Variants in SLC4A8 observed in about 807,000 individuals in gnomAD.
The protein encoded by SLC4A8 is electroneutral sodium bicarbonate exchanger 1.
SLC4A8 carries 40 observed loss-of-function variants against 125.0 expected under a neutral mutation model. The observed-to-expected ratio is 0.32, with a 90% CI of 0.25 to 0.42. SLC4A8 has a LOEUF of 0.42. SLC4A8 is among the 10% of genes least tolerant of loss of function. SLC4A8 has a pLI of 1.00. For missense variants in SLC4A8, 863 were observed against 1,355.1 expected, an observed-to-expected ratio of 0.64 and a Z score of 5.70; for synonymous variants, 456 against 476.0, an observed-to-expected ratio of 0.96 and a Z score of 0.55.
At chr12:51,506,013 G>T (rs1022956542) in intron 24 of SLC4A8, 83 bp downstream of exon 24, 12 of 686,786 alleles carry the variant, frequency 1.7e-5, no homozygotes, top group Non-Finnish European at 3.1e-5. Flanking sequence ...TGTTTTAGTT[G>T]TAAAATGGAA....
intron 1 of SLC4A8, among the ~76,000 whole-genome samples, chr12:51,428,034 T>G (rs145050693): frequency 2.6e-5 from 4 of 152,306 alleles, no homozygotes; most frequent in Non-Finnish European, 5.9e-5. Flanking sequence ...CTCCACTCTC[T>G]TTCTTGCACC....
chr12:51,448,287 T>C (rs1030206968), intron 2 of SLC4A8, among the ~76,000 whole-genome samples: 2 of 152,096 alleles, frequency 1.3e-5, no homozygotes, highest in African/African-American at 4.8e-5. Context: ...CCCTAATCTA[T>C]AGAAAGTACG....
At chr12:51,408,320 C>T (rs1466825915) in intron 1 of SLC4A8, among the ~76,000 whole-genome samples, 2 of 152,130 alleles carry the variant, frequency 1.3e-5, no homozygotes, top group African/African-American at 2.4e-5. Context: ...ACCTCCGTCC[C>T]CTGGGTTCAA....
At chr12:51,406,499 G>A (rs536428875) in intron 1 of SLC4A8, among the ~76,000 whole-genome samples, 5 of 152,178 alleles carry the variant, frequency 3.3e-5, no homozygotes, top group East Asian at 1.9e-4. Flanking sequence ...TAGGAGGCCC[G>A]GTGGTGGCAT....
At chr12:51,447,056 G>GTCTA (rs1038724217) in intron 2 of SLC4A8, among the ~76,000 whole-genome samples, 31,683 of 146,538 alleles carry the variant, frequency 0.22, 3,961 homozygotes, top group Non-Finnish European at 0.28. Context: ...CTGTCTGTCT[G>GTCTA]TCTATCTATC....
At chr12:51,448,073 T>G (rs1198537009) in intron 2 of SLC4A8, among the ~76,000 whole-genome samples, 1 of 152,204 alleles carries the variant, frequency 6.6e-6, no homozygotes, top group Non-Finnish European at 1.5e-5. Context: ...TGAGAGGTCT[T>G]TCATTTTATT....
chr12:51,405,544 T>C (rs570119292), intron 1 of SLC4A8, among the ~76,000 whole-genome samples: 22 of 152,316 alleles, frequency 1.4e-4, no homozygotes, highest in Non-Finnish European at 2.5e-4. Flanking sequence ...TTTATGTTCA[T>C]CTATGGCCAT....
chr12:51,440,591 A>G (rs1949563459), intron 1 of SLC4A8, 117 bp from the exon 2 acceptor site: 5 of 697,308 alleles, frequency 7.2e-6, no homozygotes, highest in Non-Finnish European at 1.2e-5. Context: ...ATGTAAAAAT[A>G]CAGGTAAACA....
rs371068290 is a variant in SLC4A8 at position 51,504,156 on chromosome 12, G to T, written c.3173+36G>T. On this transcript the variant is annotated intron_variant, in intron 23 of 24. Transcript: ENST00000453097. Reference sequence around the variant, plus strand: ...CAAACACCAAGGAGTTTACTTTTGGGTTATTCTCTAAGTGTTCTGGCTTTG... The same window carrying T: ...CAAACACCAAGGAGTTTACTTTTGGTTTATTCTCTAAGTGTTCTGGCTTTG... 2.4e-6 allele frequency: 3 copies of T among 1,269,604 alleles called. No individual in the cohort carries two copies. In the South Asian group the frequency reaches 3.9e-5, roughly 16 times the overall value. The allele number at this position is 1,269,604 out of a possible 1,614,324, so 78.6% of individuals were successfully genotyped here.
intron 5 of SLC4A8, among the ~76,000 whole-genome samples, chr12:51,454,205 G>A (rs1302866806): frequency 1.3e-5 from 2 of 152,302 alleles, no homozygotes; most frequent in East Asian, 1.9e-4. Context: ...GCTCAGGCAC[G>A]AGGATCACTT....
chr12:51,436,622 T>TTTAG (rs945724367), intron 1 of SLC4A8, among the ~76,000 whole-genome samples: 8 of 152,108 alleles, frequency 5.3e-5, no homozygotes, highest in African/African-American at 1.7e-4. Flanking sequence ...TATTTATTTA[T>TTTAG]TTAGTTAGTT....
intron 1 of SLC4A8, among the ~76,000 whole-genome samples, chr12:51,436,189 A>G (rs1949405708): frequency 6.6e-6 from 1 of 152,176 alleles, no homozygotes; most frequent in Non-Finnish European, 1.5e-5. Context: ...TGACAGAATA[A>G]ATTCACATAG....
At chr12:51,464,940 G>A (rs1422453692) in intron 11 of SLC4A8, among the ~76,000 whole-genome samples, 3 of 152,204 alleles carry the variant, frequency 2.0e-5, no homozygotes, top group Admixed American at 2.0e-4. Context: ...ATGTATTGGA[G>A]GGTAGGGGAA....
intron 16 of SLC4A8, among the ~76,000 whole-genome samples, chr12:51,481,233 G>T (rs887506929): frequency 6.6e-6 from 1 of 151,920 alleles, no homozygotes; most frequent in African/African-American, 2.4e-5. Flanking sequence ...TCCCCACCCC[G>T]TTTCTATTTC....
At chr12:51,482,339 T>A (rs1951052631) in intron 16 of SLC4A8, among the ~76,000 whole-genome samples, 2 of 152,180 alleles carry the variant, frequency 1.3e-5, no homozygotes, top group South Asian at 4.1e-4. Context: ...TTATATTTTT[T>A]ATGTGGCTAC....
intron 1 of SLC4A8, among the ~76,000 whole-genome samples, chr12:51,434,573 A>T (rs892451339): frequency 1.3e-5 from 2 of 152,216 alleles, no homozygotes; most frequent in Non-Finnish European, 2.9e-5. Context: ...TAACCAATCT[A>T]AATTAAGGAA....
intron 16 of SLC4A8, among the ~76,000 whole-genome samples, chr12:51,485,046 C>T (rs1043844773): frequency 6.6e-6 from 1 of 151,992 alleles, no homozygotes; most frequent in African/African-American, 2.4e-5. Context: ...AACAGCAACG[C>T]AGTCTGTGTG....
chr12:51,457,205 A>T, intron 5 of SLC4A8, 146 bp from the exon 6 acceptor site: 2 of 524,700 alleles, frequency 3.8e-6, no homozygotes, highest in East Asian at 3.0e-5. Flanking sequence ...TGGCACTTTC[A>T]GACAGGAAGC....
intron 1 of SLC4A8, among the ~76,000 whole-genome samples, chr12:51,406,752 C>G (rs898801513): frequency 3.3e-5 from 5 of 152,138 alleles, no homozygotes; most frequent in Admixed American, 2.6e-4. Context: ...GGTCTGTGGC[C>G]CTCTGAGGCT....
Sources: allele counts gnomAD v4.1 joint callset (sites outside exome capture counted in the v4.1 genomes callset), GRCh38; gene constraint gnomAD v4.1.1; transcripts MANE v1.5; gene names NCBI Gene and HGNC (gene_info 2026-07-23, HGNC 2026-07-21).